Variants in PCDH7 observed in about 807,000 individuals in gnomAD.
The protein encoded by PCDH7 is protocadherin 7.
PCDH7 carries 17 observed loss-of-function variants against 58.9 expected under a neutral mutation model. The ratio of observed to expected loss-of-function variants is 0.29; its 90% confidence interval spans 0.20 to 0.43. The LOEUF is 0.43. Ranked by LOEUF, PCDH7 falls within the 20% of genes least tolerant of loss-of-function variation. The pLI is 1.00. For synonymous variants in PCDH7, 664 were observed against 616.4 expected (o/e 1.08, Z -1.14); for missense variants, 1,274 against 1,441.0 (o/e 0.88, Z 1.88).
chr4:30,838,280 C>T (rs747543685), intron 1 of PCDH7, among the ~76,000 whole-genome samples: 39 of 152,036 alleles, frequency 2.6e-4, no homozygotes, highest in Non-Finnish European at 5.3e-4. Context: ...GCATGTGGTT[C>T]TCCCCAGGCA....
At chr4:30,942,849 C>T (rs939848954) in intron 2 of PCDH7, among the ~76,000 whole-genome samples, 6 of 150,914 alleles carry the variant, frequency 4.0e-5, no homozygotes, top group Non-Finnish European at 8.8e-5. Context: ...TATAGACAAC[C>T]TACCTAAGCA....
chr4:30,995,959 C>A (rs964200226), intron 3 of PCDH7, among the ~76,000 whole-genome samples: 3 of 152,126 alleles, frequency 2.0e-5, no homozygotes, highest in African/African-American at 7.2e-5. Flanking sequence ...GATCCTCCAC[C>A]CCATGCCATG....
chr4:30,989,578 G>A (rs1042116613), intron 3 of PCDH7, among the ~76,000 whole-genome samples: 1 of 152,164 alleles, frequency 6.6e-6, no homozygotes, highest in Non-Finnish European at 1.5e-5. Flanking sequence ...CTAAAAGAAT[G>A]GGCAGTACTT....
At chr4:30,800,010 C>A (rs571055087) in intron 1 of PCDH7, among the ~76,000 whole-genome samples, 1 of 151,458 alleles carries the variant, frequency 6.6e-6, no homozygotes, top group Non-Finnish European at 1.5e-5. Flanking sequence ...CACACCACCA[C>A]ACCCGGCTAT....
chr4:30,808,339 C>G (rs1450520193), intron 1 of PCDH7, among the ~76,000 whole-genome samples: 1 of 152,026 alleles, frequency 6.6e-6, no homozygotes, highest in Non-Finnish European at 1.5e-5. Flanking sequence ...TCTTTATTGG[C>G]AAATAAAACC....
At chr4:30,807,903 C>T (rs1726448026) in intron 1 of PCDH7, among the ~76,000 whole-genome samples, 1 of 152,170 alleles carries the variant, frequency 6.6e-6, no homozygotes, top group African/African-American at 2.4e-5. Flanking sequence ...GACTCTGATA[C>T]ATGAGAGGTG....
At chr4:30,916,103 C>A (rs28752062) in intron 1 of PCDH7, among the ~76,000 whole-genome samples, 1 of 152,004 alleles carries the variant, frequency 6.6e-6, no homozygotes, top group South Asian at 2.1e-4. Flanking sequence ...CCTCGAAACC[C>A]TGGAAAATAA....
chr4:30,852,057 C>G (rs1732827265), intron 1 of PCDH7, among the ~76,000 whole-genome samples: 1 of 152,012 alleles, frequency 6.6e-6, no homozygotes, highest in African/African-American at 2.4e-5. Flanking sequence ...ATGTTCTGTG[C>G]TATCTTATGT....
chr4:30,934,521 T>C (rs942794271), intron 2 of PCDH7, among the ~76,000 whole-genome samples: 1 of 152,152 alleles, frequency 6.6e-6, no homozygotes, highest in Non-Finnish European at 1.5e-5. Context: ...CTTCCACAAA[T>C]TGACTCTCGG....
intron 3 of PCDH7, among the ~76,000 whole-genome samples, chr4:31,095,718 T>C (rs903750154): frequency 2.0e-5 from 3 of 152,084 alleles, no homozygotes; most frequent in African/African-American, 4.8e-5. Flanking sequence ...GCAAGGGAAA[T>C]AACATCCCTT....
intron 1 of PCDH7, among the ~76,000 whole-genome samples, chr4:30,743,332 G>C (rs1434384487): frequency 2.0e-5 from 3 of 152,042 alleles, no homozygotes; most frequent in Non-Finnish European, 4.4e-5. Context: ...TCTTATTGAA[G>C]AAAGGAGAGA....
intron 3 of PCDH7, among the ~76,000 whole-genome samples, chr4:30,993,664 AT>A (rs1262566149): frequency 1.3e-5 from 2 of 152,170 alleles, no homozygotes; most frequent in African/African-American, 4.8e-5. Context: ...AAGAAAAAAA[AT>A]GTAGAAGTTT....
intron 3 of PCDH7, among the ~76,000 whole-genome samples, chr4:31,053,102 T>A (rs755997964): frequency 1.3e-5 from 2 of 152,130 alleles, no homozygotes; most frequent in Non-Finnish European, 2.9e-5. Context: ...TGGCAATTTG[T>A]GATTTTCCTT....
intron 1 of PCDH7, among the ~76,000 whole-genome samples, chr4:30,771,793 AT>A (rs1721438319): frequency 1.3e-5 from 2 of 152,206 alleles, no homozygotes; most frequent in South Asian, 2.1e-4. Context: ...GCTTTATGAA[AT>A]TTTATCATAA....
intron 3 of PCDH7, among the ~76,000 whole-genome samples, chr4:31,110,584 A>G (rs906398151): frequency 1.3e-5 from 2 of 152,198 alleles, no homozygotes; most frequent in African/African-American, 4.8e-5. Context: ...TTGACCAAGT[A>G]GTTCATGGCT....
At chr4:30,724,491 T>C (rs1012879405) in exon 1 of PCDH7, 1 of 1,614,054 alleles carries the variant, frequency 6.2e-7, no homozygotes, top group African/African-American at 1.3e-5. Flanking sequence ...CCGTACAAGA[T>C]CTACCACCAG....
At chr4:31,104,464 A>G (rs949944692) in intron 3 of PCDH7, among the ~76,000 whole-genome samples, 12 of 152,352 alleles carry the variant, frequency 7.9e-5, no homozygotes, top group Admixed American at 7.8e-4. Context: ...TAAATGATAT[A>G]GCACTTAATT....
At chr4:30,780,752 C>A (rs936199427) in intron 1 of PCDH7, among the ~76,000 whole-genome samples, 1 of 152,080 alleles carries the variant, frequency 6.6e-6, no homozygotes, top group African/African-American at 2.4e-5. Context: ...ATGTTCAGAA[C>A]AGCCTTGTTA....
intron 1 of PCDH7, among the ~76,000 whole-genome samples, chr4:30,822,623 A>ATT (rs556868525): frequency 1.2e-3 from 181 of 151,356 alleles, no homozygotes; most frequent in African/African-American, 4.1e-3. Context: ...AAAAATTTAT[A>ATT]TTTTTTTTTA....
Sources: allele counts gnomAD v4.1 joint callset (sites outside exome capture counted in the v4.1 genomes callset), GRCh38; gene constraint gnomAD v4.1.1; transcripts MANE v1.5; gene names NCBI Gene and HGNC (gene_info 2026-07-23, HGNC 2026-07-21).